DOCK2: variants seen among roughly 807,000 people sequenced by gnomAD.
The protein encoded by DOCK2 is dedicator of cytokinesis protein 2.
A neutral mutation model predicts 248.9 loss-of-function variants in DOCK2; 87 were observed. The observed-to-expected ratio is 0.35, with a 90% CI of 0.29 to 0.42. The LOEUF is 0.42. Among genes scored for constraint, DOCK2 ranks in the 10% least tolerant of loss-of-function variants. The pLI is 1.00. For synonymous variants in DOCK2, 805 were observed against 821.6 expected (o/e 0.98, Z 0.35); for missense variants, 1,747 against 2,300.2 (o/e 0.76, Z 4.92).
intron 27 of DOCK2, among the ~76,000 whole-genome samples, chr5:169,972,842 C>T (rs1032013859): frequency 6.6e-6 from 1 of 152,252 alleles, no homozygotes; most frequent in East Asian, 1.9e-4. Flanking sequence ...GTCCTTGCTG[C>T]AGTTAAGCAC....
intron 26 of DOCK2, among the ~76,000 whole-genome samples, chr5:169,829,665 A>G (rs1769101342): frequency 6.6e-6 from 1 of 152,250 alleles, no homozygotes; most frequent in African/African-American, 2.4e-5. Context: ...AAGTATCAAA[A>G]TTGAAATAAT....
intron 23 of DOCK2, among the ~76,000 whole-genome samples, chr5:169,756,925 CA>C (rs60397780): frequency 0.056 from 7,103 of 127,720 alleles, 288 homozygotes; most frequent in African/African-American, 0.12. Context: ...AACTCTGTCT[CA>C]AAAAAAAAAA....
chr5:170,081,763 C>T (rs1382173235), intron 50 of DOCK2, 79 bp from the exon 51 acceptor site: 25 of 1,268,360 alleles, frequency 2.0e-5, no homozygotes, highest in Non-Finnish European at 2.3e-5. Flanking sequence ...GTCCCCCAGC[C>T]CTCCCCCTGT....
At chr5:169,889,605 T>C (rs1773169998) in intron 27 of DOCK2, among the ~76,000 whole-genome samples, 1 of 152,264 alleles carries the variant, frequency 6.6e-6, no homozygotes, top group African/African-American at 2.4e-5. Flanking sequence ...GGGTTCAGAC[T>C]ATCCTTTACG....
At chr5:169,997,154 AT>A (rs1317588318) in intron 30 of DOCK2, among the ~76,000 whole-genome samples, 2 of 149,792 alleles carry the variant, frequency 1.3e-5, no homozygotes, top group African/African-American at 5.0e-5. Context: ...TCTTTGCATC[AT>A]AGACAATGTA....
intron 26 of DOCK2, 150 bp downstream of exon 26, chr5:169,803,356 C>A (rs1289705434): frequency 9.8e-7 from 1 of 1,017,986 alleles, no homozygotes. Context: ...TGTGACTAAC[C>A]CCCATTGCTG....
At chr5:170,077,869 A>G in intron 48 of DOCK2, 32 bp downstream of exon 48, 2 of 1,571,020 alleles carry the variant, frequency 1.3e-6, no homozygotes, top group Non-Finnish European at 1.7e-6. Context: ...AGCCCCCCAC[A>G]CCCCTGCCTC....
chr5:169,726,746 A>G (rs262880), intron 22 of DOCK2, among the ~76,000 whole-genome samples: 16,913 of 152,244 alleles, frequency 0.11, 1,193 homozygotes, highest in South Asian at 0.21. Flanking sequence ...ATAAACATGC[A>G]TCCCAGCAAT....
At chr5:169,998,091 C>G (rs1477359952) in intron 30 of DOCK2, 1 of 455,438 alleles carries the variant, frequency 2.2e-6, no homozygotes, top group Non-Finnish European at 4.4e-6. Context: ...TGACTCCTCC[C>G]TGAGGATCAC....
intron 23 of DOCK2, among the ~76,000 whole-genome samples, chr5:169,748,040 C>G (rs1763706968): frequency 6.6e-6 from 1 of 152,218 alleles, no homozygotes; most frequent in Non-Finnish European, 1.5e-5. Flanking sequence ...GACTTCAGAA[C>G]TTTCACAGAA....
At chr5:169,702,027 A>T in intron 13 of DOCK2, 1 of 305,366 alleles carries the variant, frequency 3.3e-6, no homozygotes, top group South Asian at 3.7e-5. Context: ...AGAGGATGAA[A>T]ATTAAATGAC....
intron 26 of DOCK2, among the ~76,000 whole-genome samples, chr5:169,837,967 A>G (rs391164): frequency 0.15 from 22,184 of 151,212 alleles, 2,379 homozygotes; most frequent in African/African-American, 0.31. Context: ...TAATATCTCT[A>G]TTCACAAGGG....
chr5:169,719,807 A>G (rs1010278074), intron 22 of DOCK2, among the ~76,000 whole-genome samples: 3 of 152,116 alleles, frequency 2.0e-5, no homozygotes, highest in African/African-American at 7.2e-5. Context: ...TCATGTGTGC[A>G]TTACTGGAGT....
At chr5:169,720,375 C>A (rs1287444149) in intron 22 of DOCK2, among the ~76,000 whole-genome samples, 1 of 152,154 alleles carries the variant, frequency 6.6e-6, no homozygotes, top group South Asian at 2.1e-4. Flanking sequence ...ACTTCTCAGA[C>A]CTTTTCAGTT....
chr5:169,855,776 G>C (rs1411104913), intron 27 of DOCK2, among the ~76,000 whole-genome samples: 1 of 152,186 alleles, frequency 6.6e-6, no homozygotes, highest in Non-Finnish European at 1.5e-5. Flanking sequence ...GGAGTTTAAC[G>C]TATGGTGGGA....
At chr5:169,792,326 T>C (rs1313650801) in intron 25 of DOCK2, among the ~76,000 whole-genome samples, 2 of 151,574 alleles carry the variant, frequency 1.3e-5, no homozygotes, top group African/African-American at 4.9e-5. Context: ...AGCACTTTCC[T>C]AAAAATCTTG....
intron 27 of DOCK2, among the ~76,000 whole-genome samples, chr5:169,978,288 T>G (rs949704562): frequency 6.7e-6 from 1 of 149,338 alleles, no homozygotes; most frequent in African/African-American, 2.5e-5. Flanking sequence ...CCCTCGCCCC[T>G]ATTTTGTTTG....
At chr5:169,949,749 G>A (rs1324832222) in intron 27 of DOCK2, among the ~76,000 whole-genome samples, 2 of 149,458 alleles carry the variant, frequency 1.3e-5, no homozygotes, top group Non-Finnish European at 2.9e-5. Flanking sequence ...GTACACAGAG[G>A]TGTAGCATTT....
At chr5:169,907,919 A>G (rs893907121) in intron 27 of DOCK2, among the ~76,000 whole-genome samples, 3 of 152,238 alleles carry the variant, frequency 2.0e-5, no homozygotes, top group Admixed American at 1.3e-4. Flanking sequence ...CCGTGTCGGT[A>G]AACATCTCTT....
Sources: allele counts gnomAD v4.1 joint callset (sites outside exome capture counted in the v4.1 genomes callset), GRCh38; gene constraint gnomAD v4.1.1; transcripts MANE v1.5; gene names NCBI Gene and HGNC (gene_info 2026-07-23, HGNC 2026-07-21).